Variants in MAP4 observed in about 807,000 individuals in gnomAD.
MAP4 encodes microtubule-associated protein 4.
In MAP4, 76 loss-of-function variants were observed where a neutral mutation model predicts 170.2. The ratio of observed to expected loss-of-function variants is 0.45; its 90% confidence interval spans 0.37 to 0.54. MAP4 has a LOEUF of 0.54. Among genes scored for constraint, MAP4 ranks in the 20% least tolerant of loss-of-function variants. The pLI, the probability that MAP4 is intolerant of heterozygous loss-of-function variation, is 0.00. For synonymous variants in MAP4, 909 were observed against 994.5 expected (o/e 0.91, Z 1.62); for missense variants, 2,506 against 2,748.0 (o/e 0.91, Z 1.97).
intron 1 of MAP4, among the ~76,000 whole-genome samples, chr3:48,047,263 G>A (rs185425088): frequency 7.9e-5 from 12 of 152,040 alleles, no homozygotes; most frequent in Admixed American, 7.2e-4. Context: ...CCATCCCCAT[G>A]TACTTTGGTT....
At chr3:48,049,346 G>C (rs1247915225) in intron 1 of MAP4, among the ~76,000 whole-genome samples, 1 of 152,224 alleles carries the variant, frequency 6.6e-6, no homozygotes, top group African/African-American at 2.4e-5. Context: ...GAAACTGCCA[G>C]CTGGATCCAG....
intron 10 of MAP4, among the ~76,000 whole-genome samples, chr3:47,886,099 C>G (rs1013556251): frequency 3.3e-5 from 5 of 152,218 alleles, no homozygotes; most frequent in Admixed American, 2.0e-4. Flanking sequence ...CCCCAGACCA[C>G]TATAAATATT....
At chr3:47,953,143 G>C (rs2100065564) in intron 3 of MAP4, among the ~76,000 whole-genome samples, 1 of 152,048 alleles carries the variant, frequency 6.6e-6, no homozygotes, top group South Asian at 2.1e-4. Flanking sequence ...AGTATGGTAT[G>C]ACTATGCATT....
intron 10 of MAP4, among the ~76,000 whole-genome samples, chr3:47,894,101 C>A (rs2100025535): frequency 1.3e-5 from 2 of 152,050 alleles, no homozygotes; most frequent in African/African-American, 2.4e-5. Context: ...ATGAACTGAG[C>A]CTCATATACA....
At chr3:48,078,571 A>G (rs1014379320) in intron 1 of MAP4, among the ~76,000 whole-genome samples, 10 of 152,080 alleles carry the variant, frequency 6.6e-5, no homozygotes, top group African/African-American at 2.4e-4. Flanking sequence ...ATCAAAGAGT[A>G]GGGTAGAAAG....
At chr3:48,086,190 G>C (rs1041767853) in intron 1 of MAP4, among the ~76,000 whole-genome samples, 2 of 151,908 alleles carry the variant, frequency 1.3e-5, no homozygotes, top group African/African-American at 4.8e-5. Flanking sequence ...CAGGTGTGGT[G>C]GTGGGTGCCT....
chr3:47,948,185 G>C (rs1262552432), intron 3 of MAP4, among the ~76,000 whole-genome samples: 1 of 149,926 alleles, frequency 6.7e-6, no homozygotes, highest in Admixed American at 6.6e-5. Context: ...TTTTAGTAGA[G>C]ATGGGATTTC....
intron 10 of MAP4, among the ~76,000 whole-genome samples, chr3:47,887,758 T>C (rs1011208747): frequency 5.9e-5 from 9 of 152,218 alleles, no homozygotes; most frequent in African/African-American, 1.9e-4. Flanking sequence ...AGCTCAAGGT[T>C]TGTGAATCCA....
At chr3:47,883,361 A>G (rs1157623953) in intron 10 of MAP4, among the ~76,000 whole-genome samples, 1 of 151,920 alleles carries the variant, frequency 6.6e-6, no homozygotes, top group Non-Finnish European at 1.5e-5. Flanking sequence ...AGTAGCTGGG[A>G]TTACAGGTAT....
At position 47,910,396 on chromosome 3, in the gene MAP4, T is replaced by C; in HGVS notation, c.4025A>G (p.Glu1342Gly). 2 of 1,536,868 alleles carry C rather than the reference T, an allele frequency of 1.3e-6. No homozygotes were observed. The highest frequency in any genetic ancestry group is 1.7e-6 in the Non-Finnish European group (2 of 1,146,918). The part of the protein sequence containing the change: ...GAGFVPSVVS[E>G]ENKTDAANRY... Reference sequence around the variant, plus strand: ...ATTGGCTGCATCTGTCTTATTCTCCTCAGATACTACTGAAGGAACAAATCC... The same window carrying C: ...ATTGGCTGCATCTGTCTTATTCTCCCCAGATACTACTGAAGGAACAAATCC... Residue 1342 changes from glutamate (E) to glycine (G), a missense_variant, in exon 9 of 21, where the codon GAG (glutamate) becomes GGG (glycine). Around this residue, in one of 3 missense-constraint regions of MAP4, gnomAD observed 2,008 missense variants for 2,206.0 expected, o/e 0.91. Coordinates refer to ENST00000683076, the MANE Select transcript of MAP4 (RefSeq NM_001385682.1).
At chr3:48,039,309 A>C (rs1400483666) in intron 1 of MAP4, 1 of 152,696 alleles carries the variant, frequency 6.5e-6, no homozygotes, top group Non-Finnish European at 1.5e-5. Context: ...AAAAAAGAGC[A>C]AGCACAAGAA....
At chr3:47,915,112 T>A (rs1462351553) in intron 7 of MAP4, among the ~76,000 whole-genome samples, 173 bp from the exon 8 acceptor site, 1 of 151,680 alleles carries the variant, frequency 6.6e-6, no homozygotes, top group Non-Finnish European at 1.5e-5. Flanking sequence ...CTAGTTATGT[T>A]ACTTTTTTTT....
At chr3:47,962,552 T>C (rs1044717111) in intron 3 of MAP4, among the ~76,000 whole-genome samples, 1 of 152,196 alleles carries the variant, frequency 6.6e-6, no homozygotes, top group Non-Finnish European at 1.5e-5. Context: ...CTGTATTCTT[T>C]AGAGTTCTCT....
chr3:47,888,617 C>T (rs908690093), intron 10 of MAP4, among the ~76,000 whole-genome samples: 8 of 152,210 alleles, frequency 5.3e-5, no homozygotes, highest in African/African-American at 1.9e-4. Flanking sequence ...ACCTTAAGAG[C>T]TGTAACACTC....
intron 17 of MAP4, among the ~76,000 whole-genome samples, chr3:47,866,956 CTG>C (rs2151691791): frequency 6.6e-6 from 1 of 152,288 alleles, no homozygotes; most frequent in East Asian, 1.9e-4. Flanking sequence ...CTGCTGACCA[CTG>C]TGCTCAGACC....
chr3:48,045,931 T>C (rs1357832504), intron 1 of MAP4, among the ~76,000 whole-genome samples: 4 of 152,030 alleles, frequency 2.6e-5, no homozygotes. Flanking sequence ...CATATTTCAA[T>C]ATCACAGAAT....
At chr3:47,951,355 C>A (rs993172156) in intron 3 of MAP4, among the ~76,000 whole-genome samples, 2 of 151,936 alleles carry the variant, frequency 1.3e-5, no homozygotes, top group Non-Finnish European at 2.9e-5. Context: ...CCTCTCCCCA[C>A]GGTCTCCCTC....
intron 1 of MAP4, among the ~76,000 whole-genome samples, chr3:48,003,180 C>A (rs1003551957): frequency 7.2e-5 from 11 of 151,854 alleles, no homozygotes; most frequent in African/African-American, 2.7e-4. Flanking sequence ...ATGGGCCGGG[C>A]GCAATGGCTC....
chr3:47,936,330 G>C (rs1214789656), intron 3 of MAP4, among the ~76,000 whole-genome samples: 1 of 151,930 alleles, frequency 6.6e-6, no homozygotes. Flanking sequence ...AGCTACTCGG[G>C]AGGCTGAGGC....
Sources: allele counts gnomAD v4.1 joint callset (sites outside exome capture counted in the v4.1 genomes callset), GRCh38; gene constraint gnomAD v4.1.1; regional missense constraint gnomAD v4.1.1; transcripts MANE v1.5; gene names NCBI Gene and HGNC (gene_info 2026-07-23, HGNC 2026-07-21).